Variants in RGS7BP observed in about 807,000 individuals in gnomAD.
The protein encoded by RGS7BP is regulator of G protein signaling 7 binding protein.
Under a neutral mutation model 31.3 loss-of-function variants are expected in RGS7BP, and 9 were observed. The ratio of observed to expected loss-of-function variants is 0.29; its 90% CI spans 0.17 to 0.50. The LOEUF (loss-of-function observed/expected upper bound fraction) is 0.50. RGS7BP is among the 20% of genes least tolerant of loss of function. The pLI, the probability that RGS7BP is intolerant of heterozygous loss-of-function variation, is 0.98. For missense variants in RGS7BP, 274 were observed against 322.0 expected (o/e 0.85, Z 1.14); for synonymous variants, 115 against 120.1 (o/e 0.96, Z 0.28).
intron 2 of RGS7BP, among the ~76,000 whole-genome samples, chr5:64,509,041 T>G: frequency 6.6e-6 from 1 of 152,340 alleles, no homozygotes; most frequent in African/African-American, 2.4e-5. Flanking sequence ...TATAACCATA[T>G]TTTATTTAGT....
At chr5:64,539,140 T>C (rs927175736) in intron 2 of RGS7BP, among the ~76,000 whole-genome samples, 2 of 152,234 alleles carry the variant, frequency 1.3e-5, no homozygotes, top group Non-Finnish European at 2.9e-5. Context: ...ATGTGAAGAA[T>C]CTGCTTATGT....
chr5:64,589,038 G>A (rs760204449), intron 3 of RGS7BP, among the ~76,000 whole-genome samples: 8 of 152,146 alleles, frequency 5.3e-5, no homozygotes, highest in Non-Finnish European at 8.8e-5. Flanking sequence ...GCTCATGCAT[G>A]TAATCCCAGC....
At chr5:64,556,848 G>T (rs865896721) in intron 2 of RGS7BP, among the ~76,000 whole-genome samples, 1 of 151,794 alleles carries the variant, frequency 6.6e-6, no homozygotes, top group Non-Finnish European at 1.5e-5. Flanking sequence ...GTGCCTCTGT[G>T]TGTGTAAAAG....
intron 2 of RGS7BP, among the ~76,000 whole-genome samples, chr5:64,512,655 T>C (rs1048127047): frequency 2.0e-5 from 3 of 152,178 alleles, no homozygotes; most frequent in African/African-American, 7.2e-5. Context: ...AAATTCAGAT[T>C]GCCGAGATAC....
At chr5:64,530,484 C>T (rs781108648) in intron 2 of RGS7BP, among the ~76,000 whole-genome samples, 11 of 152,062 alleles carry the variant, frequency 7.2e-5, no homozygotes, top group Non-Finnish European at 1.0e-4. Context: ...GTGTAATAGA[C>T]GAGGAAATGA....
intron 3 of RGS7BP, among the ~76,000 whole-genome samples, chr5:64,584,224 A>T (rs1234154036): frequency 1.3e-5 from 2 of 152,220 alleles, no homozygotes; most frequent in Non-Finnish European, 2.9e-5. Context: ...ACCATGCTTA[A>T]TAGCTAAAAT....
chr5:64,512,680 T>G (rs1217453075), intron 2 of RGS7BP, among the ~76,000 whole-genome samples: 1 of 152,190 alleles, frequency 6.6e-6, no homozygotes, highest in Non-Finnish European at 1.5e-5. Context: ...ATATAAAAAG[T>G]TAATCCATCA....
chr5:64,553,814 T>C (rs1384094369), intron 2 of RGS7BP, among the ~76,000 whole-genome samples: 1 of 152,174 alleles, frequency 6.6e-6, no homozygotes, highest in East Asian at 1.9e-4. Context: ...TTGTACAATG[T>C]ATACAAACAC....
intron 5 of RGS7BP, among the ~76,000 whole-genome samples, chr5:64,603,987 A>G (rs1743288793): frequency 6.6e-6 from 1 of 152,184 alleles, no homozygotes; most frequent in Admixed American, 6.5e-5. Context: ...CATTTGTCTA[A>G]GGAGGGAGGA....
In RGS7BP at chr5:64,507,838, T is replaced by G; in HGVS notation, c.293T>G (p.Met98Arg). Residue 98 changes from methionine (M) to arginine (R), a missense_variant, in exon 2 of 6, where the codon ATG (methionine) becomes AGG (arginine). Met to Arg is a moderately conservative substitution (Grantham distance 91). Around this residue, in one of 3 missense-constraint regions of RGS7BP, gnomAD observed 149 missense variants for 152.6 expected, o/e 0.98. Transcript: ENST00000334025. ...AAGACAAGAACCAAAGGCTGTGAAATGGCCCGTCAGGCACACCAAAAATTG... is the reference window on the plus strand; with the variant it reads ...AAGACAAGAACCAAAGGCTGTGAAAGGGCCCGTCAGGCACACCAAAAATTG... ...MHKTRTKGCE[M>R]ARQAHQKLAA... is the part of the protein sequence containing the mutation. 6.2e-7 allele frequency: 1 copy of G among 1,613,784 alleles called. No individual in the cohort carries two copies. The highest frequency in any genetic ancestry group is 8.5e-7 in the Non-Finnish European group (1 of 1,179,872).
chr5:64,586,158 A>G (rs978073471), intron 3 of RGS7BP, among the ~76,000 whole-genome samples: 1 of 152,152 alleles, frequency 6.6e-6, no homozygotes, highest in Non-Finnish European at 1.5e-5. Flanking sequence ...TCTGAGGATA[A>G]CCTGCCAAAG....
At chr5:64,578,086 G>A (rs1157706780) in intron 3 of RGS7BP, among the ~76,000 whole-genome samples, 2 of 152,140 alleles carry the variant, frequency 1.3e-5, no homozygotes, top group Non-Finnish European at 2.9e-5. Context: ...AAATAAAGGG[G>A]ATTTCCCCAT....
chr5:64,549,403 G>C (rs979073214), intron 2 of RGS7BP, among the ~76,000 whole-genome samples: 1 of 152,254 alleles, frequency 6.6e-6, no homozygotes, highest in Non-Finnish European at 1.5e-5. Flanking sequence ...CTGGGTGGCA[G>C]AGTCAGCCTA....
intron 2 of RGS7BP, among the ~76,000 whole-genome samples, chr5:64,527,592 A>G (rs535343223): frequency 3.6e-4 from 50 of 138,452 alleles, no homozygotes; most frequent in Non-Finnish European, 6.5e-4. Flanking sequence ...ATATTAAAGC[A>G]TTGCTTATAA....
At chr5:64,550,031 G>C (rs1741751910) in intron 2 of RGS7BP, among the ~76,000 whole-genome samples, 1 of 152,138 alleles carries the variant, frequency 6.6e-6, no homozygotes, top group Non-Finnish European at 1.5e-5. Flanking sequence ...CTTTCCTGCA[G>C]TTTCCAAAAT....
intron 2 of RGS7BP, among the ~76,000 whole-genome samples, chr5:64,562,202 T>C (rs1381779449): frequency 6.6e-6 from 1 of 152,104 alleles, no homozygotes; most frequent in Non-Finnish European, 1.5e-5. Context: ...TGCTTTTCTT[T>C]TTTTCCCCAA....
chr5:64,519,013 A>C (rs1336302677), intron 2 of RGS7BP, among the ~76,000 whole-genome samples: 1 of 152,182 alleles, frequency 6.6e-6, no homozygotes, highest in African/African-American at 2.4e-5. Context: ...CCTGACTGCA[A>C]GTTTCATGAT....
At chr5:64,577,468 C>T (rs183443208) in intron 3 of RGS7BP, among the ~76,000 whole-genome samples, 1 of 152,158 alleles carries the variant, frequency 6.6e-6, no homozygotes, top group Non-Finnish European at 1.5e-5. Flanking sequence ...CTTGTGTACA[C>T]ATATACATAT....
intron 2 of RGS7BP, among the ~76,000 whole-genome samples, chr5:64,563,239 A>G (rs913354261): frequency 2.0e-5 from 3 of 152,106 alleles, no homozygotes; most frequent in African/African-American, 7.2e-5. Flanking sequence ...ACGCATTTAT[A>G]CTTTGAGCCT....
Sources: gnomAD v4.1 joint callset for allele counts (sites outside exome capture counted in the v4.1 genomes callset) on GRCh38, gnomAD v4.1.1 for gene constraint, gnomAD v4.1.1 regional missense constraint, MANE v1.5 for transcripts, NCBI Gene and HGNC (gene_info 2026-07-23, HGNC 2026-07-21) for gene names.